The following YME1L1 variants were observed in gnomAD, a reference collection of about 807,000 sequenced individuals.
YME1L1 encodes ATP-dependent zinc metalloprotease YME1L1.
In YME1L1, 39 loss-of-function variants were observed where a neutral mutation model predicts 90.4. That is an observed-to-expected ratio of 0.43 (90% confidence interval 0.33 to 0.56). The LOEUF is 0.56. YME1L1 is among the 20% of genes least tolerant of loss of function. The pLI is 0.03. For missense variants in YME1L1, 617 were observed against 868.4 expected, an observed-to-expected ratio of 0.71 and a Z score of 3.64; for synonymous variants, 284 against 287.3, an observed-to-expected ratio of 0.99 and a Z score of 0.12.
intron 1 of YME1L1, 110 bp from the exon 2 acceptor site, chr10:27,149,150 T>G: frequency 1.1e-6 from 1 of 922,892 alleles, no homozygotes; most frequent in Admixed American, 2.7e-5. Flanking sequence ...ATATATCAAC[T>G]CTGTATACTA....
intron 8 of YME1L1, among the ~76,000 whole-genome samples, chr10:27,131,188 A>G (rs961677101): frequency 3.3e-5 from 5 of 152,010 alleles, no homozygotes; most frequent in African/African-American, 1.2e-4. Flanking sequence ...AAAACTCCCA[A>G]TCCTCTTTAC....
chr10:27,136,071 T>C (rs1174968919), intron 5 of YME1L1, among the ~76,000 whole-genome samples: 1 of 152,042 alleles, frequency 6.6e-6, no homozygotes. Context: ...TGTAGGTTTG[T>C]GGGAAAAAAA....
At chr10:27,122,674 G>A (rs1027016250) in intron 11 of YME1L1, among the ~76,000 whole-genome samples, 167 bp downstream of exon 11, 2 of 152,128 alleles carry the variant, frequency 1.3e-5, no homozygotes, top group African/African-American at 4.8e-5. Context: ...GAAAAAGCTT[G>A]TCTTGAGTTC....
intron 8 of YME1L1, among the ~76,000 whole-genome samples, chr10:27,128,794 A>C (rs1490434679): frequency 6.6e-6 from 1 of 152,084 alleles, no homozygotes; most frequent in Non-Finnish European, 1.5e-5. Context: ...CTGTAGTCCT[A>C]GCTACCTGAG....
chr10:27,136,699 C>CTTTATTTATTTATTTA (rs149072823), intron 4 of YME1L1, among the ~76,000 whole-genome samples: 4 of 145,412 alleles, frequency 2.8e-5, no homozygotes, highest in Non-Finnish European at 4.5e-5. Flanking sequence ...TCAAAAGGAA[C>CTTTATTTATTTATTTA]TTTATTTATT....
chr10:27,153,798 G>C (rs1156852126), intron 1 of YME1L1, among the ~76,000 whole-genome samples: 1 of 152,112 alleles, frequency 6.6e-6, no homozygotes, highest in African/African-American at 2.4e-5. Flanking sequence ...AAAGCCACTG[G>C]AAAGTCGGAA....
intron 14 of YME1L1, among the ~76,000 whole-genome samples, chr10:27,118,920 A>G (rs1420580648): frequency 2.0e-5 from 3 of 152,220 alleles, no homozygotes; most frequent in Non-Finnish European, 4.4e-5. Flanking sequence ...GTTTCGTAAG[A>G]TGCCAAATTG....
Position 27,149,040 on chromosome 10 carries a change from C to A in YME1L1, c.34G>T (p.Val12Phe). The A allele has an allele frequency of 1.3e-6, 2 of 1,584,708 alleles. No individual in the cohort carries two copies. Among genetic ancestry groups the A allele is most frequent in the African/African-American group, 1.4e-5 (1 of 72,818 alleles). Residue 12 changes from valine to phenylalanine, a missense_variant and splice_region_variant, in exon 2 of 19, where the codon GTT becomes TTT. Physicochemically the swap from Val to Phe is conservative, Grantham distance 50. Coordinates refer to ENST00000376016, the MANE Select transcript of YME1L1 (RefSeq NM_014263.4). ...FSLSSTVQPQ[V>F]TVPLSHLINA... ...ATGAGATGACTCAGAGGAACTGTAA[C>A]CTAGAAAAAGATAAAAGTTAAAAAC...
Position 27,145,601 on chromosome 10 carries a change from T to C in YME1L1, c.169-11A>G. ...TAAGTTAAGTGAAGGCTGTAAAAGATTGGGTCAACCAGGTATGCATTAATA... is the reference window on the plus strand; with the variant it reads ...TAAGTTAAGTGAAGGCTGTAAAAGACTGGGTCAACCAGGTATGCATTAATA... On this transcript the variant is annotated splice_polypyrimidine_tract_variant and intron_variant, in intron 2 of 18. Coordinates refer to ENST00000376016, the MANE Select transcript of YME1L1 (RefSeq NM_014263.4). The C allele has an allele frequency of 6.2e-7, 1 of 1,608,224 alleles. No individual in the cohort carries two copies. The highest frequency in any genetic ancestry group is 8.5e-7 in the Non-Finnish European group (1 of 1,176,364).
chr10:27,113,249 A>T lies in YME1L1; in HGVS notation c.2008-1129T>A, dbSNP rs1268759224. Among the ~76,000 whole-genome samples the T allele has an allele frequency of 3.0e-4, 34 of 113,954 alleles. 1 individual carries two copies. Among genetic ancestry groups the T allele is most frequent in the African/African-American group, 8.8e-4 (24 of 27,212 alleles). 74.8% of individuals were successfully genotyped at this position (113,954 alleles called of 152,430 possible). ...AAAAAAAAAAAAAAAAAAAAAAAAA[A>T]AAAAAAAAAAAAAAGACCTGCCTTC... On this transcript the variant is annotated intron_variant, in intron 18 of 18. Coordinates refer to ENST00000376016, the MANE Select transcript of YME1L1 (RefSeq NM_014263.4).
At chr10:27,116,031 A>G (rs780675579) in intron 17 of YME1L1, 29 bp downstream of exon 17, 1 of 1,574,734 alleles carries the variant, frequency 6.4e-7, no homozygotes, top group Non-Finnish European at 8.7e-7. Context: ...ATAATTTGAT[A>G]CATGAAAAGG....
chr10:27,153,399 TA>T lies in YME1L1; in HGVS notation c.33+778del, dbSNP rs1387404148. The stretch of plus-strand genomic sequence containing the variant: ...GTCGATTTTCTTAAAAATTATGTTT[TA>T]AAAAAACTCAATGTTTTAAAAACTA... On this transcript the variant is annotated intron_variant, in intron 1 of 18. Coordinates refer to ENST00000376016, the MANE Select transcript of YME1L1 (RefSeq NM_014263.4). 1.5e-5 allele frequency: 5 copies of T among 332,488 alleles called. No homozygotes were observed. The East Asian group carries it at 3.2e-4, about 21-fold the overall frequency. 20.6% of individuals were successfully genotyped at this position (332,488 alleles called of 1,614,324 possible). A position where few individuals can be genotyped will look rare whatever the true frequency, so the allele number is the denominator to read the frequency against.
chr10:27,152,103 G>A (rs2057226675), intron 1 of YME1L1, among the ~76,000 whole-genome samples: 1 of 151,634 alleles, frequency 6.6e-6, no homozygotes, highest in South Asian at 2.1e-4. Context: ...GAAACAGTAA[G>A]TTCCTTACAG....
intron 1 of YME1L1, chr10:27,153,252 C>A: frequency 2.1e-6 from 1 of 470,752 alleles, no homozygotes; most frequent in Non-Finnish European, 4.4e-6. Context: ...TGCCCAATAA[C>A]AAGCAGCTGC....
At chr10:27,149,720 A>AAG (rs1394090200) in intron 1 of YME1L1, among the ~76,000 whole-genome samples, 9 of 145,738 alleles carry the variant, frequency 6.2e-5, no homozygotes, top group Non-Finnish European at 1.2e-4. Context: ...TCAAAAAAAA[A>AAG]AAAAAAAAAA....
At chr10:27,143,079 G>A (rs1354925317) in intron 3 of YME1L1, among the ~76,000 whole-genome samples, 1 of 151,762 alleles carries the variant, frequency 6.6e-6, no homozygotes. Flanking sequence ...AATAAACAGT[G>A]ATAAAAATGG....
chr10:27,141,346 G>A (rs995706585), intron 4 of YME1L1, among the ~76,000 whole-genome samples: 4 of 152,028 alleles, frequency 2.6e-5, no homozygotes, highest in African/African-American at 9.7e-5. Context: ...ACTCCAGCCT[G>A]GGTCACAAGA....
intron 2 of YME1L1, chr10:27,147,545 T>G (rs1283390242): frequency 6.2e-7 from 1 of 1,611,118 alleles, no homozygotes; most frequent in Admixed American, 1.7e-5. Context: ...CAGTTATCGG[T>G]TGTGTCCAAG....
chr10:27,148,197 T>G (rs2057167520), intron 2 of YME1L1, among the ~76,000 whole-genome samples: 3 of 138,694 alleles, frequency 2.2e-5, no homozygotes, highest in Admixed American at 2.1e-4. Context: ...GATTACATTT[T>G]TATATTTATT....
Sources: gnomAD v4.1 joint callset for allele counts (sites outside exome capture counted in the v4.1 genomes callset) on GRCh38, gnomAD v4.1.1 for gene constraint, MANE v1.5 for transcripts, NCBI Gene and HGNC (gene_info 2026-07-23, HGNC 2026-07-21) for gene names.